SLAIN1: variants seen among roughly 807,000 people sequenced by gnomAD.
SLAIN1 encodes the protein SLAIN family member 1.
SLAIN1 carries 17 observed loss-of-function variants against 55.4 expected under a neutral mutation model. That is an observed-to-expected ratio of 0.31 (90% CI 0.21 to 0.46). The LOEUF (loss-of-function observed/expected upper bound fraction) is 0.46, where lower values mean the gene tolerates loss of function less well. Among genes scored for constraint, SLAIN1 ranks in the 20% least tolerant of loss-of-function variants. The pLI, the probability that SLAIN1 is intolerant of heterozygous loss-of-function variation, is 1.00. For missense variants in SLAIN1, 682 were observed against 785.1 expected (o/e 0.87, Z 1.57); for synonymous variants, 348 against 337.4 (o/e 1.03, Z -0.35).
rs560632098 is a variant in SLAIN1, at chr13:77,719,639, C to T, written c.734C>T (p.Ala245Val). ...AACCCAACTCCTGAGATGGAAGCAG[C>T]GAGACGTTCCCTGTGCTTTAGACTG... ...LDNPTPEMEA[A>V]RRSLCFRLEQ... Residue 245 changes from alanine to valine, a missense_variant, in exon 2 of 7, where the codon GCG becomes GTG. Physicochemically the swap from Ala to Val is moderately conservative, Grantham distance 64. Coordinates refer to ENST00000418532, the MANE Select transcript of SLAIN1 (RefSeq NM_001242868.2). The T allele has an allele frequency of 4.3e-6, 7 of 1,613,380 alleles. No individual in the cohort carries two copies. Among genetic ancestry groups the T allele is most frequent in the South Asian group, 3.3e-5 (3 of 91,024 alleles).
intron 5 of SLAIN1, among the ~76,000 whole-genome samples, chr13:77,756,750 A>T (rs1278181750): frequency 6.6e-6 from 1 of 152,144 alleles, no homozygotes; most frequent in African/African-American, 2.4e-5. Flanking sequence ...GGTGAATCTC[A>T]CAGACAAAGT....
chr13:77,760,553 C>A (rs1241074613), intron 5 of SLAIN1, among the ~76,000 whole-genome samples: 1 of 152,202 alleles, frequency 6.6e-6, no homozygotes, highest in Non-Finnish European at 1.5e-5. Context: ...AGAACTCAGA[C>A]ATCATCACAT....
intron 1 of SLAIN1, among the ~76,000 whole-genome samples, chr13:77,719,103 A>AT (rs1207859837): frequency 3.9e-5 from 6 of 152,270 alleles, no homozygotes; most frequent in African/African-American, 1.4e-4. Context: ...AAAAATACAC[A>AT]TAAGATTTGC....
chr13:77,762,090 C>T (rs963760840), intron 6 of SLAIN1, among the ~76,000 whole-genome samples: 1 of 152,130 alleles, frequency 6.6e-6, no homozygotes, highest in African/African-American at 2.4e-5. Context: ...AAAACAGAAA[C>T]TATTGAAAAA....
In SLAIN1 at chr13:77,741,222, A is replaced by C. The variant is rs370506517; in HGVS notation, c.767-3061A>C. 118 of 986,374 alleles carry C rather than the reference A, an allele frequency of 1.2e-4. No individual in the cohort carries two copies. The East Asian group carries it at 9.7e-3, about 81-fold the overall frequency. 61.1% of individuals were successfully genotyped at this position (986,374 alleles called of 1,614,324 possible). On this transcript the variant is annotated intron_variant, in intron 2 of 6. Coordinates refer to ENST00000418532, the MANE Select transcript of SLAIN1 (RefSeq NM_001242868.2). ...AACATCATCTGTTAGGCAAGATAGC[A>C]GTCACAAAGAACTATTGGTCTTTTA...
chr13:77,723,175 C>T (rs556753094), intron 2 of SLAIN1, among the ~76,000 whole-genome samples: 7 of 152,236 alleles, frequency 4.6e-5, no homozygotes, highest in Non-Finnish European at 8.8e-5. Context: ...ATGAACCATC[C>T]GCAGTATGAG....
intron 5 of SLAIN1, among the ~76,000 whole-genome samples, chr13:77,758,729 T>C (rs568455956): frequency 2.0e-5 from 3 of 152,292 alleles, no homozygotes; most frequent in African/African-American, 7.2e-5. Context: ...GAAGATCAGT[T>C]GGCTGTAAGT....
intron 2 of SLAIN1, among the ~76,000 whole-genome samples, chr13:77,740,866 C>T (rs1218699001): frequency 6.6e-6 from 1 of 152,130 alleles, no homozygotes; most frequent in East Asian, 1.9e-4. Context: ...CTGTCCTCCT[C>T]CTCCTCCACT....
In SLAIN1 at chr13:77,698,511, G is replaced by T; in HGVS notation, c.598G>T (p.Ala200Ser). 1 of 1,450,040 alleles carries T rather than the reference G, an allele frequency of 6.9e-7. No homozygotes were observed. The highest frequency in any genetic ancestry group is 9.0e-7 in the Non-Finnish European group (1 of 1,108,722). 89.8% of individuals were successfully genotyped at this position (1,450,040 alleles called of 1,614,324 possible). A position where few individuals can be genotyped will look rare whatever the true frequency, so the allele number is the denominator to read the frequency against. Residue 200 changes from alanine to serine, a missense_variant, in exon 1 of 7, where the codon GCC becomes TCC. By Grantham distance (99) the Ala-to-Ser change is moderately conservative. Coordinates refer to ENST00000418532, the MANE Select transcript of SLAIN1 (RefSeq NM_001242868.2). This position sits in a 1 kb window ranked among gnomAD's most constrained non-coding sequence, Gnocchi z 4.1. ...VELLDLESVA[A>S]WRDEDDYTWL... ...ATTGCTGGATCTGGAGAGCGTAGCC[G>T]CCTGGCGGGACGAGGACGACTACAC...
At chr13:77,756,166 G>GT (rs578108351) in intron 5 of SLAIN1, among the ~76,000 whole-genome samples, 23 of 151,022 alleles carry the variant, frequency 1.5e-4, no homozygotes, top group South Asian at 2.1e-4. Flanking sequence ...TCTCTTATGT[G>GT]TTTTTTTTTA....
At position 77,746,751 on chromosome 13, in the gene SLAIN1, G is replaced by A. The variant is rs1873846505; in HGVS notation, c.1154G>A (p.Arg385Lys). The A allele has an allele frequency of 6.2e-7, 1 of 1,613,874 alleles. No homozygotes were observed. The highest frequency in any genetic ancestry group is 1.1e-5 in the South Asian group (1 of 91,080). The change falls in exon 4 of 7, where the codon AGG (arginine) becomes AAG (lysine). Residue 385 changes from arginine (R) to lysine (K), a missense_variant. Arg to Lys is a conservative substitution (Grantham distance 26). Around this residue, in one of 3 missense-constraint regions of SLAIN1, gnomAD observed 244 missense variants for 295.2 expected, o/e 0.83. Coordinates refer to ENST00000418532, the MANE Select transcript of SLAIN1 (RefSeq NM_001242868.2). ...QTFSSIRECR[R>K]SPSSQYFPSN... ...TTCTCCAGCATTCGGGAGTGTAGGA[G>A]GAGCCCCAGTTCCCAGTATTTTCCT...
chr13:77,698,779 CT>C lies in SLAIN1; in HGVS notation c.626+242del, dbSNP rs1217900655. The stretch of plus-strand genomic sequence containing the variant: ...CCGACTGCGGATGAACCGGCCCCCC[CT>C]TCCCCCCATCTGCCATGGGTTCTGC... On this transcript the variant is annotated intron_variant, in intron 1 of 6. Coordinates refer to ENST00000418532, the MANE Select transcript of SLAIN1 (RefSeq NM_001242868.2). This position sits in a 1 kb window ranked among gnomAD's most constrained non-coding sequence, Gnocchi z 4.1. The C allele has an allele frequency of 3.2e-6, 4 of 1,241,538 alleles. No individual in the cohort carries two copies. Among genetic ancestry groups the C allele is most frequent in the Non-Finnish European group, 3.2e-6 (3 of 930,140 alleles). 76.9% of individuals were successfully genotyped at this position (1,241,538 alleles called of 1,614,324 possible). A position where few individuals can be genotyped will look rare whatever the true frequency, so the allele number is the denominator to read the frequency against.
At chr13:77,737,439 C>T (rs1348830091) in intron 2 of SLAIN1, among the ~76,000 whole-genome samples, 1 of 152,116 alleles carries the variant, frequency 6.6e-6, no homozygotes, top group African/African-American at 2.4e-5. Flanking sequence ...CACCTTCTCA[C>T]AGTCAAAACA....
Position 77,763,156 on chromosome 13 carries a change from C to G in SLAIN1, c.1709C>G (p.Pro570Arg). The change falls in exon 7 of 7, where the codon CCT (proline) becomes CGT (arginine). Residue 570 changes from proline (P) to arginine (R), a missense_variant. Coordinates refer to ENST00000418532, the MANE Select transcript of SLAIN1 (RefSeq NM_001242868.2). ...TTGTCTCTTTTTAGTTTTCTTCAGC[C>G]TCCAAAGCCTCTGTCTTCACTCAGC... is the stretch of plus-strand genomic sequence containing the variant. Reference protein sequence around the residue: ...IAQPVRSFLQPPKPLSSLSTL... With the variant: ...IAQPVRSFLQRPKPLSSLSTL... 1.2e-6 allele frequency: 2 copies of G among 1,613,848 alleles called. No individual in the cohort carries two copies. The highest frequency in any genetic ancestry group is 1.7e-6 in the Non-Finnish European group (2 of 1,179,810).
chr13:77,699,298 TA>T (rs2091007949), intron 1 of SLAIN1: 1 of 290,016 alleles, frequency 3.4e-6, no homozygotes, highest in Non-Finnish European at 6.4e-6. Flanking sequence ...TTTTTTAAAT[TA>T]AACTGTAGAA....
intron 1 of SLAIN1, among the ~76,000 whole-genome samples, chr13:77,709,856 C>T (rs559543314): frequency 1.3e-3 from 196 of 152,156 alleles, no homozygotes; most frequent in Non-Finnish European, 2.1e-3. Context: ...CTGCAACCCC[C>T]GCCTCCCAGG....
At chr13:77,719,421 A>T in intron 1 of SLAIN1, 111 bp from the exon 2 acceptor site, 1 of 689,472 alleles carries the variant, frequency 1.5e-6, no homozygotes, top group Non-Finnish European at 2.2e-6. Flanking sequence ...TGAAGTCATC[A>T]AATATGAGTT....
chr13:77,746,498 A>C lies in SLAIN1; in HGVS notation c.917-16A>C, dbSNP rs373021347. On this transcript the variant is annotated splice_polypyrimidine_tract_variant and intron_variant, in intron 3 of 6. Coordinates refer to ENST00000418532, the MANE Select transcript of SLAIN1 (RefSeq NM_001242868.2). The stretch of plus-strand genomic sequence containing the variant: ...CTAGATCAAAATACATTAGAGTACT[A>C]TTTGTTATTTTATAGGTCTCAGGCA... 4 of 1,576,716 alleles carry C rather than the reference A, an allele frequency of 2.5e-6. No homozygotes were observed. The highest frequency in any genetic ancestry group is 3.5e-6 in the Non-Finnish European group (4 of 1,155,386).
chr13:77,709,389 C>T (rs1265187903), intron 1 of SLAIN1, among the ~76,000 whole-genome samples: 5 of 152,076 alleles, frequency 3.3e-5, no homozygotes, highest in Non-Finnish European at 7.4e-5. Context: ...GGCCAACATT[C>T]AAATGCAGGA....
Sources: allele counts gnomAD v4.1 joint callset (sites outside exome capture counted in the v4.1 genomes callset), GRCh38; gene constraint gnomAD v4.1.1; regional missense constraint gnomAD v4.1.1; non-coding constraint Gnocchi (gnomAD v3.1); transcripts MANE v1.5; gene names NCBI Gene and HGNC (gene_info 2026-07-23, HGNC 2026-07-21).